Variants in LRRC4C observed in about 807,000 individuals in gnomAD.
The protein encoded by LRRC4C is leucine-rich repeat-containing protein 4C.
In LRRC4C, 5 loss-of-function variants were observed where a neutral mutation model predicts 33.6. The ratio of observed to expected loss-of-function variants is 0.15; its 90% CI spans 0.08 to 0.31. The LOEUF (loss-of-function observed/expected upper bound fraction) is 0.31, where lower values mean the gene tolerates loss of function less well. Among genes scored for constraint, LRRC4C ranks in the 10% least tolerant of loss-of-function variants. The pLI, the probability that LRRC4C is intolerant of heterozygous loss-of-function variation, is 1.00. For missense variants in LRRC4C, 560 were observed against 796.7 expected (o/e 0.70, Z 3.58); for synonymous variants, 329 against 302.0 (o/e 1.09, Z -0.93).
intron 2 of LRRC4C, among the ~76,000 whole-genome samples, chr11:40,772,821 A>G (rs1321997355): frequency 1.3e-5 from 2 of 152,196 alleles, no homozygotes; most frequent in Non-Finnish European, 2.9e-5. Flanking sequence ...AAATAGTATT[A>G]CCATATGATT....
chr11:41,022,742 T>G (rs1856070459), intron 1 of LRRC4C, among the ~76,000 whole-genome samples: 1 of 151,968 alleles, frequency 6.6e-6, no homozygotes, highest in African/African-American at 2.4e-5. Context: ...AGAAAGCAAC[T>G]GAAGAGTTTT....
intron 1 of LRRC4C, among the ~76,000 whole-genome samples, chr11:41,028,102 T>G (rs1260248111): frequency 6.6e-6 from 1 of 151,644 alleles, no homozygotes; most frequent in Non-Finnish European, 1.5e-5. Flanking sequence ...AAACAAAAAT[T>G]ATTTTAACCA....
intron 1 of LRRC4C, among the ~76,000 whole-genome samples, chr11:41,012,568 T>G (rs2137550781): frequency 6.6e-6 from 1 of 152,294 alleles, no homozygotes; most frequent in East Asian, 1.9e-4. Context: ...ATCCCTTCAG[T>G]ATCTATATTT....
chr11:40,984,920 G>C (rs1387016095), intron 1 of LRRC4C, among the ~76,000 whole-genome samples: 1 of 2,362 alleles, frequency 4.2e-4, no homozygotes, highest in Non-Finnish European at 2.7e-3. Context: ...TTTTTTTTTT[G>C]AGACGCAATC....
intron 2 of LRRC4C, among the ~76,000 whole-genome samples, chr11:40,691,210 C>A (rs989662808): frequency 2.6e-5 from 4 of 151,770 alleles, no homozygotes; most frequent in South Asian, 2.1e-4. Flanking sequence ...CAAAAAAAAA[C>A]CCATGTCTTG....
intron 2 of LRRC4C, among the ~76,000 whole-genome samples, chr11:40,895,617 C>T (rs1028178089): frequency 6.6e-6 from 1 of 152,048 alleles, no homozygotes; most frequent in African/African-American, 2.4e-5. Context: ...CAAAGCTTTG[C>T]ATTATTCTTT....
At chr11:40,245,133 C>G (rs1866229186) in intron 4 of LRRC4C, among the ~76,000 whole-genome samples, 1 of 152,160 alleles carries the variant, frequency 6.6e-6, no homozygotes, top group African/African-American at 2.4e-5. Flanking sequence ...GGATCTTCAT[C>G]AGTCTTGGCC....
chr11:41,199,225 T>C (rs963486515), intron 1 of LRRC4C, among the ~76,000 whole-genome samples: 8 of 152,148 alleles, frequency 5.3e-5, no homozygotes, highest in Non-Finnish European at 1.2e-4. Context: ...GTTCAATTCT[T>C]AAATCCTGTC....
intron 1 of LRRC4C, among the ~76,000 whole-genome samples, chr11:41,147,286 A>G (rs1295366634): frequency 2.6e-5 from 4 of 152,256 alleles, no homozygotes; most frequent in Admixed American, 6.5e-5. Context: ...CTGCAACTGC[A>G]TAAAAAACAC....
At chr11:41,020,354 C>T (rs1855874105) in intron 1 of LRRC4C, among the ~76,000 whole-genome samples, 1 of 152,060 alleles carries the variant, frequency 6.6e-6, no homozygotes, top group Non-Finnish European at 1.5e-5. Flanking sequence ...GGAATTTGTG[C>T]ATATGATCGT....
chr11:40,608,640 A>G (rs1960882543), intron 3 of LRRC4C, among the ~76,000 whole-genome samples: 1 of 152,150 alleles, frequency 6.6e-6, no homozygotes, highest in Non-Finnish European at 1.5e-5. Context: ...AAGTAAAGGA[A>G]AAAATAAGTT....
chr11:40,262,532 C>T (rs144849638), intron 4 of LRRC4C, among the ~76,000 whole-genome samples: 317 of 152,178 alleles, frequency 2.1e-3, no homozygotes, highest in African/African-American at 7.3e-3. Context: ...CACGTGCCCA[C>T]GTATGTTTAT....
chr11:40,845,823 C>T (rs1037240615), intron 2 of LRRC4C, among the ~76,000 whole-genome samples: 2 of 152,132 alleles, frequency 1.3e-5, no homozygotes, highest in African/African-American at 4.8e-5. Context: ...CCTATTTCTC[C>T]ACATCCTCTG....
intron 1 of LRRC4C, among the ~76,000 whole-genome samples, chr11:41,348,480 G>A (rs543557830): frequency 6.6e-6 from 1 of 152,100 alleles, no homozygotes; most frequent in Non-Finnish European, 1.5e-5. Context: ...TGTAGGAAAA[G>A]CAAAGACCTT....
intron 4 of LRRC4C, among the ~76,000 whole-genome samples, chr11:40,311,172 T>A (rs1164433656): frequency 6.6e-6 from 1 of 152,234 alleles, no homozygotes; most frequent in Non-Finnish European, 1.5e-5. Context: ...GACATTCTGT[T>A]AATATCCTCA....
chr11:40,696,487 T>G (rs1033044942), intron 2 of LRRC4C, among the ~76,000 whole-genome samples: 1 of 148,840 alleles, frequency 6.7e-6, no homozygotes, highest in Non-Finnish European at 1.5e-5. Context: ...GTTTTTGTAT[T>G]TATACACTCA....
At chr11:40,723,902 G>C (rs1210457054) in intron 2 of LRRC4C, among the ~76,000 whole-genome samples, 3 of 152,024 alleles carry the variant, frequency 2.0e-5, no homozygotes. Flanking sequence ...TCAAAGTAAA[G>C]AGATGGAGAA....
chr11:40,443,919 C>T (rs377700754), intron 3 of LRRC4C, among the ~76,000 whole-genome samples: 1 of 152,140 alleles, frequency 6.6e-6, no homozygotes, highest in East Asian at 1.9e-4. Flanking sequence ...ACATGATATT[C>T]AAAATATGAA....
At chr11:40,763,685 C>T (rs946914097) in intron 2 of LRRC4C, among the ~76,000 whole-genome samples, 12 of 152,056 alleles carry the variant, frequency 7.9e-5, no homozygotes, top group Non-Finnish European at 1.8e-4. Context: ...GACTTTGTAT[C>T]GGAATTCAGT....
Sources: gnomAD v4.1 joint callset for allele counts (sites outside exome capture counted in the v4.1 genomes callset) on GRCh38, gnomAD v4.1.1 for gene constraint, MANE v1.5 for transcripts, NCBI Gene and HGNC (gene_info 2026-07-23, HGNC 2026-07-21) for gene names.